The following GRID1 variants were observed in gnomAD, a reference collection of about 807,000 sequenced individuals.
GRID1 encodes the protein glutamate ionotropic receptor delta type subunit 1.
Under a neutral mutation model 98.0 loss-of-function variants are expected in GRID1, and 28 were observed. The observed-to-expected ratio is 0.29, with a 90% CI of 0.21 to 0.39. The LOEUF is 0.39. Among genes scored for constraint, GRID1 ranks in the 10% least tolerant of loss-of-function variants. The pLI, the probability that GRID1 is intolerant of heterozygous loss-of-function variation, is 1.00. For synonymous variants in GRID1, 553 were observed against 538.5 expected (o/e 1.03, Z -0.37); for missense variants, 1,111 against 1,340.5 (o/e 0.83, Z 2.67).
At chr10:86,032,042 C>G (rs905602895) in intron 4 of GRID1, among the ~76,000 whole-genome samples, 1 of 152,202 alleles carries the variant, frequency 6.6e-6, no homozygotes, top group East Asian at 1.9e-4. Flanking sequence ...TCCCCTTACT[C>G]ATCTTCACCA....
At chr10:86,024,602 G>A (rs1031944283) in intron 4 of GRID1, among the ~76,000 whole-genome samples, 2 of 152,230 alleles carry the variant, frequency 1.3e-5, no homozygotes, top group African/African-American at 4.8e-5. Context: ...GAGCAGATCT[G>A]AGCCAGGTGA....
intron 4 of GRID1, among the ~76,000 whole-genome samples, chr10:85,989,520 G>T (rs75243065): frequency 6.6e-6 from 1 of 152,146 alleles, no homozygotes; most frequent in Non-Finnish European, 1.5e-5. Context: ...CCTGAGCTCC[G>T]CCCCCTGTTC....
At chr10:85,754,357 G>A (rs900129289) in intron 8 of GRID1, among the ~76,000 whole-genome samples, 1 of 152,192 alleles carries the variant, frequency 6.6e-6, no homozygotes, top group Non-Finnish European at 1.5e-5. Flanking sequence ...TATAGATCCT[G>A]TCCTAGAGAA....
intron 4 of GRID1, 90 bp downstream of exon 4, chr10:86,138,729 T>A: frequency 9.7e-7 from 1 of 1,033,294 alleles, no homozygotes; most frequent in Non-Finnish European, 1.5e-6. Flanking sequence ...AGGCCATGCG[T>A]AAGACGACTG....
At chr10:86,340,159 G>A (rs189023489) in intron 2 of GRID1, among the ~76,000 whole-genome samples, 90 of 152,228 alleles carry the variant, frequency 5.9e-4, no homozygotes, top group Non-Finnish European at 1.0e-4. Flanking sequence ...GCAGCGGAAT[G>A]GAAAGCCCAG....
At chr10:86,182,713 G>A (rs1007583803) in intron 3 of GRID1, among the ~76,000 whole-genome samples, 3 of 152,136 alleles carry the variant, frequency 2.0e-5, no homozygotes, top group African/African-American at 7.2e-5. Flanking sequence ...TGCATTTCGG[G>A]TCCCTGCTAT....
intron 4 of GRID1, among the ~76,000 whole-genome samples, chr10:85,950,015 GTAGATAGATAAA>G (rs1325855707): frequency 6.6e-6 from 1 of 152,020 alleles, no homozygotes; most frequent in Non-Finnish European, 1.5e-5. Context: ...AAATGGATGG[GTAGATAGATAAA>G]TAGATAGATA....
At chr10:85,960,820 C>T (rs1297563565) in intron 4 of GRID1, among the ~76,000 whole-genome samples, 3 of 152,222 alleles carry the variant, frequency 2.0e-5, no homozygotes, top group Non-Finnish European at 4.4e-5. Flanking sequence ...ATGGATGCAC[C>T]ATTGTGAGCA....
chr10:85,650,234 C>G (rs544307906), intron 12 of GRID1: 1 of 152,210 alleles, frequency 6.6e-6, no homozygotes, highest in African/African-American at 2.4e-5. Context: ...CAGTGGAAGA[C>G]AGATGTTGAA....
intron 2 of GRID1, among the ~76,000 whole-genome samples, chr10:86,292,055 G>A (rs1847520271): frequency 1.3e-5 from 2 of 152,226 alleles, no homozygotes; most frequent in South Asian, 2.1e-4. Flanking sequence ...GAGCAGAGGA[G>A]GCACTGGGGC....
chr10:85,866,210 C>T (rs1400506965), intron 6 of GRID1, among the ~76,000 whole-genome samples: 3 of 147,888 alleles, frequency 2.0e-5, no homozygotes, highest in Non-Finnish European at 4.4e-5. Flanking sequence ...TACACAAAGC[C>T]TGTGATAAGG....
chr10:85,893,690 T>C (rs958370806), intron 5 of GRID1, among the ~76,000 whole-genome samples: 1 of 152,190 alleles, frequency 6.6e-6, no homozygotes, highest in Non-Finnish European at 1.5e-5. Flanking sequence ...ACCTGTACAC[T>C]TAACAGTGTA....
intron 4 of GRID1, among the ~76,000 whole-genome samples, chr10:85,978,881 T>G (rs1842508004): frequency 6.6e-6 from 1 of 152,150 alleles, no homozygotes; most frequent in African/African-American, 2.4e-5. Flanking sequence ...ACAGTAACCC[T>G]CCAGAGACAA....
rs1174188620 is a variant in GRID1, at chr10:86,011,180, A to G, written c.727-94941T>C. On this transcript the variant is annotated intron_variant, in intron 4 of 15. Transcript: ENST00000327946. ...TATTCTAATCTCATTGAGGGCAAAG[A>G]TAATGAAAATCTAATTTGGATTCAG... Among the ~76,000 whole-genome samples the G allele has an allele frequency of 5.3e-5, 8 of 152,228 alleles. No homozygotes were observed. In the East Asian group the frequency reaches 1.3e-3, roughly 26 times the overall value.
Position 86,195,411 on chromosome 10 carries a change from G to A in GRID1, c.520+10953C>T, listed in dbSNP as rs530383229. Reference sequence around the variant, plus strand: ...CTGCCAGAATAGCATGACCACAGCCGTCCTTGGCACCTCTTGATTTTCTAA... The same window carrying A: ...CTGCCAGAATAGCATGACCACAGCCATCCTTGGCACCTCTTGATTTTCTAA... On this transcript the variant is annotated intron_variant, in intron 3 of 15. Coordinates refer to ENST00000327946, the MANE Select transcript of GRID1 (RefSeq NM_017551.3). The surrounding 1 kb of genome is among the most constrained non-coding windows in gnomAD (Gnocchi z 4.4). 3.9e-5 allele frequency among the ~76,000 whole-genome samples: 6 copies of A among 152,204 alleles called. No homozygotes were observed. The highest frequency in any genetic ancestry group is 2.6e-4 in the Admixed American group (4 of 15,294).
At chr10:86,082,854 T>C (rs1276840700) in intron 4 of GRID1, among the ~76,000 whole-genome samples, 1 of 152,232 alleles carries the variant, frequency 6.6e-6, no homozygotes, top group Non-Finnish European at 1.5e-5. Context: ...CTCTGAAATG[T>C]GGCTCAAATG....
rs1273756866 is a variant in GRID1, at chr10:86,222,157, AG to A, written c.236-15510del. On this transcript the variant is annotated intron_variant, in intron 2 of 15. Coordinates refer to ENST00000327946, the MANE Select transcript of GRID1 (RefSeq NM_017551.3). ...TCTCATGGCATCCTCCCAGGCCTAG[AG>A]GGGGGGCCACCCATTTGCAGAGGGG... 5.9e-5 allele frequency among the ~76,000 whole-genome samples: 9 copies of A among 152,200 alleles called. No individual in the cohort carries two copies. In the East Asian group the frequency reaches 9.7e-4, roughly 16 times the overall value.
chr10:86,306,119 G>A (rs1047263541), intron 2 of GRID1, among the ~76,000 whole-genome samples: 3 of 152,196 alleles, frequency 2.0e-5, no homozygotes, highest in African/African-American at 4.8e-5. Context: ...AGCCTTCAGG[G>A]ATCGTTCCAT....
intron 2 of GRID1, among the ~76,000 whole-genome samples, chr10:86,342,815 A>G (rs1293526678): frequency 6.6e-6 from 1 of 152,250 alleles, no homozygotes; most frequent in Non-Finnish European, 1.5e-5. Flanking sequence ...CCGACAGCCC[A>G]TTCCGGAGAA....
Sources: allele counts gnomAD v4.1 joint callset (sites outside exome capture counted in the v4.1 genomes callset), GRCh38; gene constraint gnomAD v4.1.1; non-coding constraint Gnocchi (gnomAD v3.1); transcripts MANE v1.5; gene names NCBI Gene and HGNC (gene_info 2026-07-23, HGNC 2026-07-21).